ANKRD30A: variants seen among roughly 807,000 people sequenced by gnomAD.
The protein encoded by ANKRD30A is ankyrin repeat domain-containing protein 30A.
ANKRD30A carries 170 observed loss-of-function variants against 166.3 expected under a neutral mutation model. The observed-to-expected ratio is 1.02, with a 90% CI of 0.90 to 1.16. ANKRD30A has a LOEUF of 1.16. ANKRD30A is among the 50% of genes most tolerant of loss of function. The probability of loss-of-function intolerance (pLI) is 0.00; values close to 1 mark genes in which losing one functional copy is unlikely to be tolerated. For missense variants in ANKRD30A, 1,630 were observed against 1,518.0 expected, an observed-to-expected ratio of 1.07 and a Z score of -1.23; for synonymous variants, 564 against 508.9, an observed-to-expected ratio of 1.11 and a Z score of -1.46.
At chr10:37,151,623 T>C (rs1342494948) in intron 11 of ANKRD30A, among the ~76,000 whole-genome samples, 1 of 152,128 alleles carries the variant, frequency 6.6e-6, no homozygotes, top group Non-Finnish European at 1.5e-5. Context: ...ATCTTATTCA[T>C]TGATAAATCA....
chr10:37,217,612 A>G (rs1842668592), intron 32 of ANKRD30A, 83 bp from the exon 33 acceptor site: 3 of 1,148,700 alleles, frequency 2.6e-6, no homozygotes, highest in Non-Finnish European at 3.5e-6. Flanking sequence ...TGGACTAATA[A>G]CCCAATATAG....
chr10:37,248,934 C>G, the ANKRD30A span, among the ~76,000 whole-genome samples: 1 of 152,072 alleles, frequency 6.6e-6, no homozygotes, highest in Non-Finnish European at 1.5e-5. Flanking sequence ...GAGATGTGAG[C>G]ACAGCTGCAT....
chr10:37,129,563 C>A lies in ANKRD30A; in HGVS notation c.222-330C>A, dbSNP rs79055227. ...ATCATAGTGATAACCTGTGAGATAACTGCTGTGTTCATCTTCATTTTGTTG... is the reference window on the plus strand; with the variant it reads ...ATCATAGTGATAACCTGTGAGATAAATGCTGTGTTCATCTTCATTTTGTTG... On this transcript the variant is annotated intron_variant, in intron 1 of 35. Transcript: ENST00000361713. Among the ~76,000 whole-genome samples, 127 of 152,280 alleles carry A rather than the reference C, an allele frequency of 8.3e-4. 4 individuals are homozygous for A. In the East Asian group the frequency reaches 0.019, roughly 23 times the overall value.
At chr10:37,252,800 G>A in the ANKRD30A span, among the ~76,000 whole-genome samples, 386 of 152,036 alleles carry the variant, frequency 2.5e-3, no homozygotes, top group South Asian at 7.1e-3. Flanking sequence ...TATTAAAGGC[G>A]CTAATATATG....
At chr10:37,155,411 G>A (rs1433068893) in intron 13 of ANKRD30A, among the ~76,000 whole-genome samples, 6 of 152,126 alleles carry the variant, frequency 3.9e-5, no homozygotes, top group Non-Finnish European at 8.8e-5. Context: ...TATCCAAGCT[G>A]ATCAATTAAT....
At chr10:37,150,356 GTC>G (rs1229068902) in intron 11 of ANKRD30A, among the ~76,000 whole-genome samples, 1 of 151,892 alleles carries the variant, frequency 6.6e-6, no homozygotes, top group African/African-American at 2.4e-5. Flanking sequence ...TCCTGTGTGT[GTC>G]TGTTTATGTG....
chr10:37,232,683 T>G (rs377549891), downstream of ANKRD30A: 67 of 5,736 alleles, frequency 0.012, 2 homozygotes, highest in African/African-American at 0.016. Flanking sequence ...TATATATATA[T>G]ATATATATAT....
chr10:37,226,200 G>A (rs887813019), intron 34 of ANKRD30A, among the ~76,000 whole-genome samples: 4 of 151,056 alleles, frequency 2.6e-5, no homozygotes, highest in Non-Finnish European at 4.4e-5. Flanking sequence ...TTGGTGTGCT[G>A]CACCCATTAA....
chr10:37,135,826 A>G (rs1247728957), intron 5 of ANKRD30A, among the ~76,000 whole-genome samples: 10 of 152,230 alleles, frequency 6.6e-5, no homozygotes, highest in Admixed American at 5.9e-4. Flanking sequence ...TTTCATTACA[A>G]ATTATAAAAT....
At chr10:37,130,124 G>T (rs561339551) in intron 2 of ANKRD30A, 81 bp from the exon 3 acceptor site, 2 of 1,159,378 alleles carry the variant, frequency 1.7e-6, no homozygotes, top group East Asian at 6.4e-5. Context: ...TATTTATTTT[G>T]ATTTCCTATA....
intron 31 of ANKRD30A, among the ~76,000 whole-genome samples, chr10:37,204,411 C>T (rs1185974402): frequency 1.3e-5 from 2 of 152,082 alleles, no homozygotes; most frequent in African/African-American, 2.4e-5. Flanking sequence ...AACTGGCTAG[C>T]CATATGTAGA....
chr10:37,198,198 A>G (rs1050779993), intron 29 of ANKRD30A, among the ~76,000 whole-genome samples: 68 of 152,138 alleles, frequency 4.5e-4, no homozygotes, highest in African/African-American at 1.5e-3. Flanking sequence ...ATGTTTAAAC[A>G]TTTTACAACA....
chr10:37,192,198 G>T (rs1268992097), intron 25 of ANKRD30A, among the ~76,000 whole-genome samples: 1 of 151,870 alleles, frequency 6.6e-6, no homozygotes, highest in Non-Finnish European at 1.5e-5. Context: ...CACCATACCT[G>T]GCTGATTTTT....
intron 25 of ANKRD30A, among the ~76,000 whole-genome samples, chr10:37,192,115 C>T (rs1840631832): frequency 6.6e-6 from 1 of 152,032 alleles, no homozygotes; most frequent in Non-Finnish European, 1.5e-5. Flanking sequence ...TGGCTCACTG[C>T]AACCTCCACC....
chr10:37,223,129 G>C (rs1292529890), intron 34 of ANKRD30A, among the ~76,000 whole-genome samples: 1 of 151,264 alleles, frequency 6.6e-6, no homozygotes, highest in Non-Finnish European at 1.5e-5. Flanking sequence ...AATTATGTCT[G>C]CATTTTAAAA....
intron 34 of ANKRD30A, among the ~76,000 whole-genome samples, chr10:37,231,010 A>T (rs1843388619): frequency 6.6e-6 from 1 of 152,066 alleles, no homozygotes; most frequent in African/African-American, 2.4e-5. Flanking sequence ...TCTCAGTGTC[A>T]AATGCTTAAT....
At chr10:37,207,453 G>A (rs1055253219) in intron 31 of ANKRD30A, among the ~76,000 whole-genome samples, 7 of 151,948 alleles carry the variant, frequency 4.6e-5, no homozygotes, top group Non-Finnish European at 1.0e-4. Context: ...TTCCTTGTGT[G>A]TTCTTTGCTT....
chr10:37,260,351 C>T, the ANKRD30A span, among the ~76,000 whole-genome samples: 1 of 152,132 alleles, frequency 6.6e-6, no homozygotes, highest in East Asian at 1.9e-4. Context: ...CCTGCCTAAG[C>T]TCCAGGCTCT....
At chr10:37,143,081 A>G (rs1324869429) in intron 7 of ANKRD30A, among the ~76,000 whole-genome samples, 2 of 152,258 alleles carry the variant, frequency 1.3e-5, no homozygotes, top group African/African-American at 2.4e-5. Flanking sequence ...ACCAGTCACT[A>G]GGAAAGCAAA....
Sources: allele counts gnomAD v4.1 joint callset (sites outside exome capture counted in the v4.1 genomes callset), GRCh38; gene constraint gnomAD v4.1.1; transcripts MANE v1.5; gene names NCBI Gene and HGNC (gene_info 2026-07-23, HGNC 2026-07-21).